Variants in TRHDE observed in about 807,000 individuals in gnomAD.
TRHDE encodes the protein thyrotropin releasing hormone degrading enzyme.
A neutral mutation model predicts 125.7 loss-of-function variants in TRHDE; 72 were observed. The ratio of observed to expected loss-of-function variants is 0.57; its 90% CI spans 0.47 to 0.70. The LOEUF is 0.70. Among genes scored for constraint, TRHDE ranks in the 30% least tolerant of loss-of-function variants. The pLI is 0.00. For missense variants in TRHDE, 1,110 were observed against 1,327.1 expected, an observed-to-expected ratio of 0.84 and a Z score of 2.54; for synonymous variants, 509 against 509.1, an observed-to-expected ratio of 1.00 and a Z score of 0.00.
At chr12:72,615,370 T>A (rs1391733032) in intron 12 of TRHDE, among the ~76,000 whole-genome samples, 15 of 152,210 alleles carry the variant, frequency 9.9e-5, no homozygotes, top group Non-Finnish European at 1.9e-4. Context: ...CCTACTGGGC[T>A]GATTACAGTG....
At chr12:72,473,418 A>T (rs1222657108) in intron 5 of TRHDE, among the ~76,000 whole-genome samples, 3 of 152,156 alleles carry the variant, frequency 2.0e-5, no homozygotes, top group Non-Finnish European at 2.9e-5. Context: ...ACCTGAATAG[A>T]AATATTTTCA....
chr12:72,368,111 T>G (rs1871415650), intron 2 of TRHDE, among the ~76,000 whole-genome samples: 1 of 152,176 alleles, frequency 6.6e-6, no homozygotes, highest in Admixed American at 6.6e-5. Context: ...AACAAATCAT[T>G]AATACAGTCT....
chr12:72,382,091 A>G (rs1473901289), intron 3 of TRHDE, among the ~76,000 whole-genome samples: 1 of 152,278 alleles, frequency 6.6e-6, no homozygotes, highest in East Asian at 1.9e-4. Context: ...GGAGTCAGAA[A>G]CGACTACTGA....
At chr12:72,500,305 G>A (rs1878092409) in intron 6 of TRHDE, among the ~76,000 whole-genome samples, 2 of 152,088 alleles carry the variant, frequency 1.3e-5, no homozygotes, top group African/African-American at 4.8e-5. Context: ...TGTTTTACAT[G>A]CACTAGCCAC....
At position 72,167,558 on chromosome 12, in the gene TRHDE, G is replaced by A. The variant is rs535844271; in HGVS notation, n.279+61806G>A. The A allele has an allele frequency of 3.3e-5, 5 of 152,244 alleles. 1 individual carries two copies. The highest frequency in any genetic ancestry group is 7.2e-5 in the African/African-American group (3 of 41,540). 9.4% of individuals were successfully genotyped at this position (152,244 alleles called of 1,614,324 possible). ...TATAGCAAAAGAAATAAAGCATCAG[G>A]TTGATGCTTAAGGGACTTCACTGGT... On this transcript the variant is annotated intron_variant and non_coding_transcript_variant, in intron 2 of 4. Transcript: ENST00000548156.
chr12:72,404,007 G>A (rs1022819407), intron 3 of TRHDE, among the ~76,000 whole-genome samples: 1 of 152,142 alleles, frequency 6.6e-6, no homozygotes, highest in African/African-American at 2.4e-5. Context: ...ATGCACACAA[G>A]CACATCTTTG....
intron 6 of TRHDE, among the ~76,000 whole-genome samples, chr12:72,500,097 C>T (rs1878084926): frequency 6.6e-6 from 1 of 152,086 alleles, no homozygotes; most frequent in Non-Finnish European, 1.5e-5. Flanking sequence ...GAAAATTAAA[C>T]ATTTCCTGAA....
chr12:72,240,305 TTATATA>T (rs56969276), intron 2 of TRHDE, among the ~76,000 whole-genome samples: 4 of 111,320 alleles, frequency 3.6e-5, no homozygotes, highest in East Asian at 2.3e-4. Flanking sequence ...TTCTCACATT[TTATATA>T]TATATATATA....
intron 2 of TRHDE, among the ~76,000 whole-genome samples, chr12:72,287,445 G>A (rs1592520697): frequency 1.3e-5 from 2 of 152,218 alleles, no homozygotes; most frequent in Admixed American, 1.3e-4. Context: ...ATAGGATGGA[G>A]TTGAAGCTCT....
intron 3 of TRHDE, among the ~76,000 whole-genome samples, chr12:72,435,293 G>A (rs1874688840): frequency 6.6e-6 from 1 of 152,136 alleles, no homozygotes; most frequent in Non-Finnish European, 1.5e-5. Flanking sequence ...CTCCCCAAAG[G>A]ATGGAAATCT....
chr12:72,398,398 G>A (rs550074022), intron 3 of TRHDE, among the ~76,000 whole-genome samples: 1 of 152,088 alleles, frequency 6.6e-6, no homozygotes, highest in Admixed American at 6.5e-5. Context: ...AGATCCCTGA[G>A]GAATCGCCAC....
Position 72,155,740 on chromosome 12 carries a change from C to T in TRHDE, n.279+49988C>T, listed in dbSNP as rs977289966. 3.3e-5 allele frequency among the ~76,000 whole-genome samples: 5 copies of T among 152,152 alleles called. No homozygotes were observed. In the South Asian group the frequency reaches 6.2e-4, roughly 19 times the overall value. ...TGAACAGCAAACGTTGCTGCCTGAT[C>T]GTTCCTCTGGAAGTTTTGTCTCAGA... On this transcript the variant is annotated intron_variant and non_coding_transcript_variant, in intron 2 of 4. Coordinates refer to the TRHDE transcript ENST00000548156.
intron 3 of TRHDE, among the ~76,000 whole-genome samples, chr12:72,436,414 G>A (rs550939515): frequency 2.0e-5 from 3 of 151,770 alleles, no homozygotes; most frequent in Non-Finnish European, 4.4e-5. Context: ...AGACTGATTT[G>A]ATTATCATAA....
At chr12:72,430,392 T>C (rs1373128890) in intron 3 of TRHDE, among the ~76,000 whole-genome samples, 2 of 142,698 alleles carry the variant, frequency 1.4e-5, no homozygotes, top group African/African-American at 5.3e-5. Flanking sequence ...TGTATATATA[T>C]ACACACACGT....
chr12:72,335,704 A>G (rs896356042), intron 2 of TRHDE, among the ~76,000 whole-genome samples: 1 of 152,220 alleles, frequency 6.6e-6, no homozygotes, highest in Non-Finnish European at 1.5e-5. Context: ...TGAATGAAAC[A>G]TTGAGTAAAA....
rs138628900 is a variant in TRHDE, at chr12:72,642,882, T to G, written c.2676-9440T>G. Among the ~76,000 whole-genome samples, 262 of 152,312 alleles carry G rather than the reference T, an allele frequency of 1.7e-3. 2 individuals are homozygous for G. The East Asian group carries it at 0.037, about 22-fold the overall frequency. On this transcript the variant is annotated intron_variant, in intron 15 of 18. Coordinates refer to ENST00000261180, the MANE Select transcript of TRHDE (RefSeq NM_013381.3). ...TTTACAAACAAATGGGCATTTTCAT[T>G]TGTTTCTAATGACTTTGGTTTATAC...
intron 6 of TRHDE, among the ~76,000 whole-genome samples, chr12:72,505,904 T>A (rs1878337289): frequency 6.6e-6 from 1 of 152,164 alleles, no homozygotes; most frequent in South Asian, 2.1e-4. Context: ...CACAACATCA[T>A]GTCAGTCAGA....
intron 3 of TRHDE, among the ~76,000 whole-genome samples, chr12:72,457,057 A>G (rs1875891036): frequency 6.6e-6 from 1 of 152,198 alleles, no homozygotes; most frequent in African/African-American, 2.4e-5. Flanking sequence ...ATGGTTCATA[A>G]TTTGATCAAT....
intron 2 of TRHDE, among the ~76,000 whole-genome samples, chr12:72,172,408 A>G (rs1262306734): frequency 1.3e-5 from 2 of 152,138 alleles, no homozygotes; most frequent in East Asian, 3.9e-4. Context: ...TAATTTTCTC[A>G]TCTTAAATAT....
Sources: gnomAD v4.1 joint callset for allele counts (sites outside exome capture counted in the v4.1 genomes callset) on GRCh38, gnomAD v4.1.1 for gene constraint, MANE v1.5 for transcripts, NCBI Gene and HGNC (gene_info 2026-07-23, HGNC 2026-07-21) for gene names.